Variants in MAST4 observed in about 807,000 individuals in gnomAD.
The protein encoded by MAST4 is microtubule-associated serine/threonine-protein kinase 4.
Under a neutral mutation model 162.7 loss-of-function variants are expected in MAST4, and 89 were observed. That is an observed-to-expected ratio of 0.55 (90% confidence interval 0.46 to 0.65). MAST4 has a LOEUF of 0.65. Among genes scored for constraint, MAST4 ranks in the 30% least tolerant of loss-of-function variants. The pLI is 0.00. For missense variants in MAST4, 3,153 were observed against 3,374.0 expected (o/e 0.93, Z 1.62); for synonymous variants, 1,479 against 1,361.1 (o/e 1.09, Z -1.91).
rs1045498419 is a variant in MAST4 at position 67,105,506 on chromosome 5, C to T, written c.1356+931C>T. ...CCTCTAGGCCTTCTATACTCTTTCCCGATTTCTCACATTGCAACCAACTGC... is the reference window on the plus strand; with the variant it reads ...CCTCTAGGCCTTCTATACTCTTTCCTGATTTCTCACATTGCAACCAACTGC... On this transcript the variant is annotated intron_variant, in intron 10 of 28. Transcript: ENST00000403625. 2.6e-5 allele frequency among the ~76,000 whole-genome samples: 4 copies of T among 152,284 alleles called. No homozygotes were observed. The South Asian group carries it at 6.2e-4, about 24-fold the overall frequency.
intron 3 of MAST4, among the ~76,000 whole-genome samples, chr5:66,789,577 G>A (rs374454583): frequency 6.6e-6 from 1 of 152,158 alleles, no homozygotes; most frequent in East Asian, 1.9e-4. Flanking sequence ...CTCATGGCGA[G>A]ATTCAGGTTT....
chr5:66,627,309 A>G (rs1360006386), intron 1 of MAST4, among the ~76,000 whole-genome samples: 1 of 152,176 alleles, frequency 6.6e-6, no homozygotes, highest in African/African-American at 2.4e-5. Flanking sequence ...ACCTCCCACC[A>G]GGTCCTTCCC....
At chr5:66,861,538 T>C (rs779726646) in intron 3 of MAST4, among the ~76,000 whole-genome samples, 9 of 152,202 alleles carry the variant, frequency 5.9e-5, no homozygotes, top group Non-Finnish European at 1.3e-4. Context: ...TTCACTATGA[T>C]AGAGAGTGCC....
At chr5:66,658,223 A>G (rs1334165845) in intron 1 of MAST4, among the ~76,000 whole-genome samples, 1 of 152,244 alleles carries the variant, frequency 6.6e-6, no homozygotes, top group East Asian at 1.9e-4. Flanking sequence ...TCATAAAAAT[A>G]TATAGGTTAC....
intron 5 of MAST4, among the ~76,000 whole-genome samples, chr5:67,055,634 T>C (rs1386933435): frequency 1.3e-5 from 2 of 152,140 alleles, no homozygotes; most frequent in South Asian, 2.1e-4. Context: ...AGGTAAAAGA[T>C]AGATAAAATT....
At chr5:67,140,102 C>T (rs1362771385) in intron 19 of MAST4, among the ~76,000 whole-genome samples, 1 of 152,174 alleles carries the variant, frequency 6.6e-6, no homozygotes, top group African/African-American at 2.4e-5. Flanking sequence ...ATCGAGCAAC[C>T]CAAAATGTGA....
At chr5:66,830,387 T>C (rs1757519325) in intron 3 of MAST4, among the ~76,000 whole-genome samples, 1 of 152,196 alleles carries the variant, frequency 6.6e-6, no homozygotes, top group African/African-American at 2.4e-5. Context: ...AATAAAGGAA[T>C]CATTATTTTT....
At chr5:67,145,445 C>A in intron 23 of MAST4, 66 bp downstream of exon 23, 1 of 1,393,582 alleles carries the variant, frequency 7.2e-7, no homozygotes, top group East Asian at 2.4e-5. Flanking sequence ...GTGCTCAGTC[C>A]CAGGGCGGGC....
intron 1 of MAST4, among the ~76,000 whole-genome samples, chr5:66,749,964 C>G (rs1753032025): frequency 6.6e-6 from 1 of 151,986 alleles, no homozygotes; most frequent in African/African-American, 2.4e-5. Context: ...TTCAGGTTGC[C>G]AATTTGATTC....
At chr5:66,666,992 C>T (rs1747304494) in intron 1 of MAST4, among the ~76,000 whole-genome samples, 1 of 152,016 alleles carries the variant, frequency 6.6e-6, no homozygotes, top group South Asian at 2.1e-4. Flanking sequence ...GCGGCCTCTA[C>T]AGTGAGAGCT....
chr5:66,611,586 T>G (rs1334373508), intron 1 of MAST4, among the ~76,000 whole-genome samples: 3 of 152,234 alleles, frequency 2.0e-5, no homozygotes, highest in Non-Finnish European at 4.4e-5. Flanking sequence ...TTGATATCTC[T>G]TTAGGGATCT....
In MAST4 at chr5:67,166,571, C is replaced by G. The variant is rs1040539860; in HGVS notation, c.7392C>G (p.Ser2464Arg). ...LPEKSLSCSSSFPETRAGVRE... is the reference protein window; with the variant it reads ...LPEKSLSCSSRFPETRAGVRE... The stretch of plus-strand genomic sequence containing the variant: ...AAAAGTCTCTGAGCTGCTCCTCCAG[C>G]TTCCCTGAAACCAGGGCCGGAGTTA... The change falls in exon 29 of 29, where the codon AGC becomes AGG. Residue 2464 changes from serine to arginine, a missense_variant. By Grantham distance (110) the Ser-to-Arg change is moderately radical. Coordinates refer to ENST00000403625, the MANE Select transcript of MAST4 (RefSeq NM_001164664.2). 8 of 1,605,592 alleles carry G rather than the reference C, an allele frequency of 5.0e-6. No homozygotes were observed. Among genetic ancestry groups the G allele is most frequent in the Non-Finnish European group, 6.8e-6 (8 of 1,176,258 alleles).
At chr5:66,607,990 T>TA (rs1743001944) in intron 1 of MAST4, among the ~76,000 whole-genome samples, 2 of 152,144 alleles carry the variant, frequency 1.3e-5, no homozygotes, top group Non-Finnish European at 2.9e-5. Context: ...GATGTTCTGA[T>TA]ATGTATATAT....
intron 26 of MAST4, among the ~76,000 whole-genome samples, chr5:67,155,208 A>G (rs1004382673): frequency 3.3e-5 from 5 of 152,194 alleles, no homozygotes; most frequent in Non-Finnish European, 7.3e-5. Context: ...TGAACCTGCT[A>G]TGGGAGCACT....
At chr5:66,690,031 G>C (rs16895466) in intron 1 of MAST4, among the ~76,000 whole-genome samples, 20,603 of 152,140 alleles carry the variant, frequency 0.14, 1,499 homozygotes, top group Admixed American at 0.17. Context: ...AATCCTTTCA[G>C]TTGCATTAAT....
chr5:67,051,560 T>A (rs1013034805), intron 4 of MAST4, among the ~76,000 whole-genome samples: 1 of 152,112 alleles, frequency 6.6e-6, no homozygotes, highest in African/African-American at 2.4e-5. Context: ...GTACTTAGAG[T>A]AATAAGATTA....
chr5:66,685,925 G>A (rs58785820), intron 1 of MAST4, among the ~76,000 whole-genome samples: 4,515 of 152,204 alleles, frequency 0.03, 233 homozygotes, highest in African/African-American at 0.1. Flanking sequence ...TTCCACCTCA[G>A]ATCATTAGGC....
In MAST4 at chr5:66,743,139, T is replaced by C. The variant is rs1752564687; in HGVS notation, c.364-16570T>C. ...CAGAGCAGCCTTCTCTAATCACTCA[T>C]ATGATAGAGCAGCCCTTGTTCTCTG... On this transcript the variant is annotated intron_variant, in intron 1 of 28. Transcript: ENST00000403625. Among the ~76,000 whole-genome samples the C allele has an allele frequency of 2.0e-5, 3 of 152,328 alleles. No individual in the cohort carries two copies. The South Asian group carries it at 6.2e-4, about 32-fold the overall frequency.
intron 2 of MAST4, among the ~76,000 whole-genome samples, chr5:66,774,852 T>G (rs1222625109): frequency 6.6e-6 from 1 of 152,218 alleles, no homozygotes; most frequent in Non-Finnish European, 1.5e-5. Flanking sequence ...TTTTATTTGC[T>G]AAATCTGGCC....
Sources: gnomAD v4.1 joint callset for allele counts (sites outside exome capture counted in the v4.1 genomes callset) on GRCh38, gnomAD v4.1.1 for gene constraint, MANE v1.5 for transcripts, NCBI Gene and HGNC (gene_info 2026-07-23, HGNC 2026-07-21) for gene names.